Variants in SOX6 observed in about 807,000 individuals in gnomAD.
SOX6 encodes the protein SRY-box transcription factor 6, also known as transcription factor SOX-6.
SOX6 carries 11 observed loss-of-function variants against 97.8 expected under a neutral mutation model. The ratio of observed to expected loss-of-function variants is 0.11; its 90% CI spans 0.07 to 0.19. The LOEUF is 0.19. Among genes scored for constraint, SOX6 ranks in the 10% least tolerant of loss-of-function variants. The pLI is 1.00. For synonymous variants in SOX6, 360 were observed against 371.4 expected, an observed-to-expected ratio of 0.97 and a Z score of 0.35; for missense variants, 810 against 1,039.5, an observed-to-expected ratio of 0.78 and a Z score of 3.04.
At chr11:16,212,027 C>T (rs1473241129) in intron 4 of SOX6, among the ~76,000 whole-genome samples, 1 of 152,092 alleles carries the variant, frequency 6.6e-6, no homozygotes, top group African/African-American at 2.4e-5. Context: ...TAGAAATGTA[C>T]AGTAGAAAAT....
intron 1 of SOX6, among the ~76,000 whole-genome samples, chr11:16,342,137 A>G (rs972453447): frequency 6.6e-6 from 1 of 152,018 alleles, no homozygotes; most frequent in East Asian, 1.9e-4. Flanking sequence ...ACTACACGCT[A>G]CATGACAACG....
chr11:16,147,644 A>C (rs76159462), intron 6 of SOX6, among the ~76,000 whole-genome samples: 1,873 of 152,280 alleles, frequency 0.012, 13 homozygotes, highest in Middle Eastern at 0.024. Flanking sequence ...TGTCCTGCTT[A>C]ATCCTTTCTC....
intron 9 of SOX6, 124 bp from the exon 10 acceptor site, chr11:16,056,025 T>A (rs1847807447): frequency 1.7e-6 from 2 of 1,147,024 alleles, no homozygotes; most frequent in East Asian, 5.2e-5. Flanking sequence ...TCACTATTTT[T>A]AAAAAAGGAA....
chr11:16,423,676 A>T (rs1475302623), intron 1 of SOX6, among the ~76,000 whole-genome samples: 2 of 152,174 alleles, frequency 1.3e-5, no homozygotes, highest in African/African-American at 4.8e-5. Flanking sequence ...AAACTTGCTG[A>T]ATTTGAAGTG....
intron 4 of SOX6, among the ~76,000 whole-genome samples, chr11:16,510,759 G>T (rs1860869291): frequency 6.6e-6 from 1 of 152,134 alleles, no homozygotes; most frequent in South Asian, 2.1e-4. Context: ...GTTGTTATAT[G>T]TACATCCTGG....
At chr11:16,102,556 GC>G (rs2133982392) in intron 7 of SOX6, among the ~76,000 whole-genome samples, 1 of 151,756 alleles carries the variant, frequency 6.6e-6, no homozygotes, top group Non-Finnish European at 1.5e-5. Flanking sequence ...ACCAAAATGA[GC>G]CTGCATAGCC....
At chr11:16,336,217 G>A (rs1385189672) in intron 2 of SOX6, among the ~76,000 whole-genome samples, 1 of 152,038 alleles carries the variant, frequency 6.6e-6, no homozygotes, top group Admixed American at 6.6e-5. Flanking sequence ...AAGAGTGTTG[G>A]TGCCTTACCC....
intron 6 of SOX6, among the ~76,000 whole-genome samples, chr11:16,137,854 A>G (rs984862100): frequency 6.6e-6 from 1 of 152,106 alleles, no homozygotes; most frequent in African/African-American, 2.4e-5. Context: ...TGGTTTTATA[A>G]GGAGCTTCCC....
At chr11:16,362,987 T>A (rs1411225874) in intron 1 of SOX6, among the ~76,000 whole-genome samples, 1 of 152,186 alleles carries the variant, frequency 6.6e-6, no homozygotes, top group Non-Finnish European at 1.5e-5. Flanking sequence ...CCAGATATGG[T>A]CTCACTGTTC....
At chr11:16,707,579 C>T (rs1848146756) in intron 3 of SOX6, among the ~76,000 whole-genome samples, 1 of 152,130 alleles carries the variant, frequency 6.6e-6, no homozygotes, top group African/African-American at 2.4e-5. Flanking sequence ...ACAAGCTCTC[C>T]TTTATTCATG....
intron 2 of SOX6, among the ~76,000 whole-genome samples, chr11:16,728,306 A>G (rs1364035686): frequency 6.6e-6 from 1 of 152,192 alleles, no homozygotes; most frequent in Non-Finnish European, 1.5e-5. Context: ...AGAAGGGCTC[A>G]ACAGACACCC....
intron 3 of SOX6, among the ~76,000 whole-genome samples, chr11:16,677,576 T>C (rs2134027759): frequency 6.6e-6 from 1 of 152,304 alleles, no homozygotes; most frequent in Non-Finnish European, 1.5e-5. Flanking sequence ...GTCCACTTGG[T>C]CGTGATGAAT....
At chr11:16,724,371 C>T (rs887605866) in intron 2 of SOX6, among the ~76,000 whole-genome samples, 3 of 151,750 alleles carry the variant, frequency 2.0e-5, no homozygotes, top group Non-Finnish European at 4.4e-5. Flanking sequence ...TAGTATGTAA[C>T]AAATGTAAAG....
At chr11:16,290,910 TG>T (rs1457402644) in intron 3 of SOX6, among the ~76,000 whole-genome samples, 2 of 152,044 alleles carry the variant, frequency 1.3e-5, no homozygotes, top group African/African-American at 4.8e-5. Flanking sequence ...TTCATATGCA[TG>T]GGTGAAGTGG....
chr11:16,292,851 G>A (rs1004887459), intron 3 of SOX6, among the ~76,000 whole-genome samples: 3 of 152,132 alleles, frequency 2.0e-5, no homozygotes, highest in African/African-American at 7.2e-5. Context: ...CCCTAACCAT[G>A]CACTGAATAG....
In SOX6 at chr11:16,300,751, A is replaced by T. The variant is rs1855233809; in HGVS notation, c.445+17695T>A. On this transcript the variant is annotated intron_variant, in intron 3 of 15. Transcript: ENST00000683767. This position sits in a 1 kb window ranked among gnomAD's most constrained non-coding sequence, Gnocchi z 4.1. ...ACAACTAGGAAATTCACTTCTACCT[A>T]GGCCACCTCAACACTTCTAGATCTA... 6.6e-6 allele frequency among the ~76,000 whole-genome samples: 1 copy of T among 152,186 alleles called. No homozygotes were observed. Among genetic ancestry groups the T allele is most frequent in the Non-Finnish European group, 1.5e-5 (1 of 68,032 alleles).
intron 4 of SOX6, among the ~76,000 whole-genome samples, chr11:16,535,637 A>C (rs1438768079): frequency 6.6e-6 from 1 of 152,164 alleles, no homozygotes; most frequent in Non-Finnish European, 1.5e-5. Flanking sequence ...GCAACACTGC[A>C]CTCTAGCCTA....
intron 3 of SOX6, among the ~76,000 whole-genome samples, chr11:16,301,116 T>C (rs530566814): frequency 1.3e-5 from 2 of 152,274 alleles, no homozygotes; most frequent in East Asian, 3.9e-4. Flanking sequence ...ATCACATCAA[T>C]TTGATTTTCT....
Position 16,421,164 on chromosome 11 carries a change from A to G in SOX6, c.-5+55151T>C, listed in dbSNP as rs545129612. 1.1e-4 allele frequency among the ~76,000 whole-genome samples: 16 copies of G among 152,308 alleles called. No individual in the cohort carries two copies. The Middle Eastern group carries it at 0.014, about 130-fold the overall frequency. ...CGAGCAAATATGAAGACAATTGTAC[A>G]TATTTATAAGTACACCAAAATACAC... On this transcript the variant is annotated intron_variant, in intron 1 of 15. Coordinates refer to the SOX6 transcript ENST00000396356.
Sources: gnomAD v4.1 joint callset for allele counts (sites outside exome capture counted in the v4.1 genomes callset) on GRCh38, gnomAD v4.1.1 for gene constraint, Gnocchi (gnomAD v3.1) non-coding constraint, MANE v1.5 for transcripts, NCBI Gene and HGNC (gene_info 2026-07-23, HGNC 2026-07-21) for gene names.